The following DENND2B variants were observed in gnomAD, a reference collection of about 807,000 sequenced individuals.
DENND2B encodes the protein DENN domain containing 2B.
DENND2B carries 32 observed loss-of-function variants against 116.0 expected under a neutral mutation model. That is an observed-to-expected ratio of 0.28 (90% CI 0.21 to 0.37). The LOEUF is 0.37. Ranked by LOEUF, DENND2B falls within the 10% of genes least tolerant of loss-of-function variation. The pLI, the probability that DENND2B is intolerant of heterozygous loss-of-function variation, is 1.00. For missense variants in DENND2B, 1,276 were observed against 1,477.7 expected (o/e 0.86, Z 2.24); for synonymous variants, 588 against 583.9 (o/e 1.01, Z -0.10).
chr11:8,901,281 G>A (rs1259692270), intron 1 of DENND2B, among the ~76,000 whole-genome samples: 6 of 131,700 alleles, frequency 4.6e-5, no homozygotes, highest in African/African-American at 5.8e-5. Flanking sequence ...CCAGGCTGGA[G>A]TGCAGTGGTG....
intron 1 of DENND2B, chr11:8,774,073 G>A (rs1002337935): frequency 1.4e-5 from 14 of 978,488 alleles, no homozygotes; most frequent in African/African-American, 1.4e-4. Context: ...TTCCAACCAC[G>A]AAGTGCTGTT....
chr11:8,772,020 G>C (rs1185025504), intron 1 of DENND2B: 1 of 151,952 alleles, frequency 6.6e-6, no homozygotes, highest in African/African-American at 2.4e-5. Flanking sequence ...TGCCGACATA[G>C]TGAAACTTCC....
At chr11:8,889,127 C>A (rs1008275533) in intron 1 of DENND2B, among the ~76,000 whole-genome samples, 3 of 152,070 alleles carry the variant, frequency 2.0e-5, no homozygotes, top group Non-Finnish European at 4.4e-5. Flanking sequence ...ATTTATAAAC[C>A]CATGTTCATA....
intron 5 of DENND2B, among the ~76,000 whole-genome samples, chr11:8,717,217 T>C (rs1481230113): frequency 6.6e-6 from 1 of 152,196 alleles, no homozygotes; most frequent in Non-Finnish European, 1.5e-5. Flanking sequence ...CCTTAAAGAT[T>C]CATGCTTACT....
exon 1 of DENND2B, chr11:8,910,939 A>ACCC (rs2064317348): frequency 1.1e-5 from 1 of 92,970 alleles, no homozygotes. Context: ...CCAGCCCCCG[A>ACCC]CCCCCGACCC....
rs150539082 is a variant in DENND2B at position 8,801,289 on chromosome 11, C to G, written c.-26+9228G>C. ...TATGCTGACTGGGGGACGCTTATCA[C>G]TGCTCTGCTGATACCGTCTGCCCAA... On this transcript the variant is annotated intron_variant, in intron 1 of 19. Coordinates refer to ENST00000313726, the MANE Select transcript of DENND2B (RefSeq NM_213618.2). 5.1e-3 allele frequency among the ~76,000 whole-genome samples: 769 copies of G among 152,210 alleles called. 3 individuals are homozygous for G. Among genetic ancestry groups the G allele is most frequent in the Non-Finnish European group, 6.8e-3 (463 of 68,014 alleles).
intron 4 of DENND2B, among the ~76,000 whole-genome samples, chr11:8,836,711 G>A (rs1367767060): frequency 1.3e-5 from 2 of 151,070 alleles, no homozygotes; most frequent in Non-Finnish European, 2.9e-5. Flanking sequence ...GACCCACCGC[G>A]CCCGGCTACT....
intron 1 of DENND2B, among the ~76,000 whole-genome samples, chr11:8,797,433 T>TCCCCCTTCTC (rs2059915499): frequency 7.9e-6 from 1 of 125,872 alleles, no homozygotes; most frequent in Non-Finnish European, 1.7e-5. Flanking sequence ...CTTATCCCCT[T>TCCCCCTTCTC]CCCCCTTCTT....
intron 1 of DENND2B, among the ~76,000 whole-genome samples, chr11:8,786,201 C>A (rs569639720): frequency 6.2e-4 from 95 of 152,230 alleles, no homozygotes; most frequent in African/African-American, 2.2e-3. Context: ...CACTAAGTTG[C>A]AATTTCATGT....
At chr11:8,888,090 T>C (rs1176001887) in intron 1 of DENND2B, among the ~76,000 whole-genome samples, 4 of 152,208 alleles carry the variant, frequency 2.6e-5, no homozygotes, top group Non-Finnish European at 2.9e-5. Context: ...AGCATCTGTC[T>C]GATGTAATTA....
chr11:8,733,701 T>C (rs1433346161), intron 2 of DENND2B, among the ~76,000 whole-genome samples: 1 of 152,216 alleles, frequency 6.6e-6, no homozygotes, highest in Non-Finnish European at 1.5e-5. Flanking sequence ...GTGTGGGGCA[T>C]GGCTCCTTGG....
intron 3 of DENND2B, among the ~76,000 whole-genome samples, chr11:8,842,947 A>T (rs908663778): frequency 2.6e-5 from 4 of 152,170 alleles, no homozygotes; most frequent in Admixed American, 6.5e-5. Flanking sequence ...CAAATTCAAA[A>T]ATCAGGACAA....
Position 8,702,119 on chromosome 11 carries a change from G to A in DENND2B, c.2720+453C>T, listed in dbSNP as rs979355401. On this transcript the variant is annotated intron_variant, in intron 14 of 19. Coordinates refer to ENST00000313726, the MANE Select transcript of DENND2B (RefSeq NM_213618.2). The surrounding 1 kb of genome is among the most constrained non-coding windows in gnomAD (Gnocchi z 4.6). ...CCCTCCACAGGACCCTCGCTGGCTGGCTCAGCATTCCTCACACTGTCCCCG... is the reference window on the plus strand; with the variant it reads ...CCCTCCACAGGACCCTCGCTGGCTGACTCAGCATTCCTCACACTGTCCCCG... Among the ~76,000 whole-genome samples the A allele has an allele frequency of 3.3e-5, 5 of 151,978 alleles. No individual in the cohort carries two copies. The highest frequency in any genetic ancestry group is 1.2e-4 in the African/African-American group (5 of 41,366).
upstream of DENND2B, among the ~76,000 whole-genome samples, chr11:8,811,937 C>T (rs1445572319): frequency 6.6e-6 from 1 of 152,058 alleles, no homozygotes; most frequent in Non-Finnish European, 1.5e-5. Flanking sequence ...CAGGGTCTCA[C>T]TATGTTGCCC....
chr11:8,848,282 T>C (rs1594225695), intron 3 of DENND2B, among the ~76,000 whole-genome samples: 1 of 152,340 alleles, frequency 6.6e-6, no homozygotes, highest in Admixed American at 6.5e-5. Flanking sequence ...CACTTCACTT[T>C]AAATTATGTC....
At chr11:8,869,489 C>G (rs191878834) in intron 2 of DENND2B, among the ~76,000 whole-genome samples, 6 of 152,132 alleles carry the variant, frequency 3.9e-5, no homozygotes, top group Admixed American at 3.9e-4. Flanking sequence ...ATGGGGAACC[C>G]CATCTCTACT....
rs750144496 is a variant in DENND2B at position 8,730,733 on chromosome 11, T to C, written c.557A>G (p.Glu186Gly). The C allele has an allele frequency of 2.0e-5, 32 of 1,612,356 alleles. No homozygotes were observed. Among genetic ancestry groups the C allele is most frequent in the Non-Finnish European group, 2.7e-5 (32 of 1,179,934 alleles). ...EASPRMSMCGEKREGSGSEWA... is the reference protein window; with the variant it reads ...EASPRMSMCGGKREGSGSEWA... ...CTCGCTCCCAGAGCCCTCCCGCTTCTCTCCACACATGCTCATCCTGGGCGA... is the reference window on the plus strand; with the variant it reads ...CTCGCTCCCAGAGCCCTCCCGCTTCCCTCCACACATGCTCATCCTGGGCGA... Residue 186 changes from glutamate to glycine, a missense_variant, in exon 3 of 20, where the codon GAG becomes GGG. Physicochemically the swap from Glu to Gly is moderately conservative, Grantham distance 98. Transcript: ENST00000313726. The surrounding 1 kb of genome is among the most constrained non-coding windows in gnomAD (Gnocchi z 4.1).
chr11:8,882,955 T>C (rs921799913), intron 1 of DENND2B, among the ~76,000 whole-genome samples: 3 of 152,226 alleles, frequency 2.0e-5, no homozygotes, highest in African/African-American at 7.2e-5. Flanking sequence ...ACCACTGCAC[T>C]CCAGCCTGGA....
intron 1 of DENND2B, among the ~76,000 whole-genome samples, chr11:8,804,366 A>AC (rs1292809070): frequency 3.0e-5 from 4 of 132,262 alleles, no homozygotes; most frequent in Non-Finnish European, 6.8e-5. Flanking sequence ...CAGCCATAAG[A>AC]CATGGGGAGC....
Sources: allele counts gnomAD v4.1 joint callset (sites outside exome capture counted in the v4.1 genomes callset), GRCh38; gene constraint gnomAD v4.1.1; non-coding constraint Gnocchi (gnomAD v3.1); transcripts MANE v1.5; gene names NCBI Gene and HGNC (gene_info 2026-07-23, HGNC 2026-07-21).